SHC3: variants seen among roughly 807,000 people sequenced by gnomAD.
SHC3 encodes the protein SHC adaptor protein 3, also known as SHC-transforming protein 3.
A neutral mutation model predicts 60.4 loss-of-function variants in SHC3; 15 were observed. The ratio of observed to expected loss-of-function variants is 0.25; its 90% CI spans 0.17 to 0.38. The LOEUF (loss-of-function observed/expected upper bound fraction) is 0.38. Among genes scored for constraint, SHC3 ranks in the 10% least tolerant of loss-of-function variants. The probability of loss-of-function intolerance (pLI) is 1.00; values close to 1 mark genes in which losing one functional copy is unlikely to be tolerated. For missense variants in SHC3, 677 were observed against 786.1 expected, an observed-to-expected ratio of 0.86 and a Z score of 1.66; for synonymous variants, 294 against 325.9, an observed-to-expected ratio of 0.90 and a Z score of 1.05.
At chr9:89,169,080 A>G (rs1826832179) in intron 1 of SHC3, among the ~76,000 whole-genome samples, 1 of 152,208 alleles carries the variant, frequency 6.6e-6, no homozygotes, top group Non-Finnish European at 1.5e-5. Context: ...CCAATTCCTT[A>G]TAATAAATCT....
intron 1 of SHC3, among the ~76,000 whole-genome samples, chr9:89,122,044 T>A (rs1316663526): frequency 6.6e-6 from 1 of 152,238 alleles, no homozygotes; most frequent in African/African-American, 2.4e-5. Flanking sequence ...ATGGTGATGC[T>A]CTTGAAATTC....
intron 6 of SHC3, among the ~76,000 whole-genome samples, chr9:89,059,357 G>A (rs1386607858): frequency 2.4e-5 from 3 of 124,098 alleles, no homozygotes; most frequent in African/African-American, 1.1e-4. Context: ...GGTGGAGGAT[G>A]TAGTGGAGGA....
intron 6 of SHC3, among the ~76,000 whole-genome samples, chr9:89,053,347 A>G (rs949489694): frequency 6.6e-6 from 1 of 152,180 alleles, no homozygotes; most frequent in Admixed American, 6.5e-5. Flanking sequence ...GATTAGGGAG[A>G]CACTGAACTG....
chr9:89,070,923 G>A (rs1487722986), intron 5 of SHC3, among the ~76,000 whole-genome samples: 1 of 152,128 alleles, frequency 6.6e-6, no homozygotes, highest in Admixed American at 6.5e-5. Context: ...GGGGCCAGGG[G>A]GACTATTTCA....
intron 6 of SHC3, 140 bp from the exon 7 acceptor site, chr9:89,052,303 A>C (rs1030814862): frequency 1.0e-6 from 1 of 1,000,544 alleles, no homozygotes; most frequent in Non-Finnish European, 1.4e-6. Flanking sequence ...ATCCAACCAC[A>C]GCTTTATCTC....
Position 89,178,338 on chromosome 9 carries a change from C to G in SHC3, c.123G>C (p.Pro41=). 1 of 1,595,490 alleles carries G rather than the reference C, an allele frequency of 6.3e-7. No individual in the cohort carries two copies. The highest frequency in any genetic ancestry group is 8.5e-7 in the Non-Finnish European group (1 of 1,172,894). The change falls in exon 1 of 12, where the codon CCG becomes CCC. Residue 41 remains proline (P), a synonymous_variant. Coordinates refer to ENST00000375835, the MANE Select transcript of SHC3 (RefSeq NM_016848.6). The surrounding 1 kb of genome is among the most constrained non-coding windows in gnomAD (Gnocchi z 6.9). ...GGKVSAARAT[P]AAAPYLVSGE... is the part of the protein sequence containing the mutation. ...CGGACACCAAGTAGGGAGCCGCCGC[C>G]GGGGTCGCGCGCGCCGCCGAAACCT...
intron 9 of SHC3, 33 bp from the exon 10 acceptor site, chr9:89,042,217 C>T (rs776649956): frequency 2.1e-5 from 31 of 1,488,942 alleles, no homozygotes; most frequent in African/African-American, 2.9e-5. Flanking sequence ...TTTTCTTTTA[C>T]GATGGTGACA....
At chr9:89,153,762 A>G (rs1383074592) in intron 1 of SHC3, among the ~76,000 whole-genome samples, 2 of 152,236 alleles carry the variant, frequency 1.3e-5, no homozygotes, top group Non-Finnish European at 2.9e-5. Flanking sequence ...GTGATATCAC[A>G]GTACTCTCTC....
chr9:89,047,059 C>T, intron 7 of SHC3, 65 bp from the exon 8 acceptor site: 2 of 1,461,104 alleles, frequency 1.4e-6, no homozygotes, highest in Non-Finnish European at 1.8e-6. Flanking sequence ...ATCAACAAAT[C>T]TAATGTTAGC....
intron 1 of SHC3, among the ~76,000 whole-genome samples, chr9:89,133,259 C>T (rs951942832): frequency 6.6e-6 from 1 of 152,138 alleles, no homozygotes; most frequent in Non-Finnish European, 1.5e-5. Flanking sequence ...AGTCAGGAAA[C>T]AACAGGTGCT....
At chr9:89,088,492 C>T (rs1587719814) in intron 2 of SHC3, 1 of 152,166 alleles carries the variant, frequency 6.6e-6, no homozygotes, top group Admixed American at 6.5e-5. Flanking sequence ...GGAAAAAAAC[C>T]TCTTCAAATG....
chr9:89,058,744 G>A (rs1186187624), intron 6 of SHC3, among the ~76,000 whole-genome samples: 8 of 137,698 alleles, frequency 5.8e-5, no homozygotes, highest in African/African-American at 1.1e-4. Flanking sequence ...GGTGAAGGGC[G>A]GTGGTGGAGG....
At chr9:89,071,178 A>G in intron 5 of SHC3, 21 bp downstream of exon 5, 1 of 1,613,122 alleles carries the variant, frequency 6.2e-7, no homozygotes. Context: ...AGAGCAAGAG[A>G]CCAACCCCAA....
In SHC3 at chr9:89,166,933, C is replaced by T. The variant is rs531823700; in HGVS notation, c.474+11054G>A. On this transcript the variant is annotated intron_variant, in intron 1 of 11. Transcript: ENST00000375835. Reference sequence around the variant, plus strand: ...GTTGTCTGCACCTTGAGGTTGAATCCACTGTACTGTGTGGTGTAGACTCTA... The same window carrying T: ...GTTGTCTGCACCTTGAGGTTGAATCTACTGTACTGTGTGGTGTAGACTCTA... Among the ~76,000 whole-genome samples the T allele has an allele frequency of 7.2e-5, 11 of 152,298 alleles. No homozygotes were observed. In the South Asian group the frequency reaches 2.3e-3, roughly 32 times the overall value.
In SHC3 at chr9:89,006,354, T is replaced by G. The variant is rs540855541; in HGVS notation, c.*7093A>C. 6.6e-6 allele frequency: 1 copy of G among 152,210 alleles called. No individual in the cohort carries two copies. Among genetic ancestry groups the G allele is most frequent in the African/African-American group, 2.4e-5 (1 of 41,454 alleles). 9.4% of individuals were successfully genotyped at this position (152,210 alleles called of 1,614,324 possible). A position where few individuals can be genotyped will look rare whatever the true frequency, so the allele number is the denominator to read the frequency against. ...TCTTCACCTGCTGTATTCTCAAATC[T>G]CCAAAACACCAGATAACTTAGGTTT... On this transcript the variant is annotated 3_prime_UTR_variant, in exon 12 of 12. Transcript: ENST00000375835.
intron 2 of SHC3, among the ~76,000 whole-genome samples, chr9:89,096,778 G>A (rs1358774899): frequency 1.3e-5 from 2 of 152,244 alleles, no homozygotes; most frequent in African/African-American, 4.8e-5. Context: ...CATCTAGAGA[G>A]TGAAGGTCAG....
intron 1 of SHC3, among the ~76,000 whole-genome samples, chr9:89,165,114 GAGAC>G (rs1439766056): frequency 6.6e-6 from 1 of 152,126 alleles, no homozygotes; most frequent in African/African-American, 2.4e-5. Context: ...GCCAAAAAAA[GAGAC>G]AGAATTATAG....
At chr9:89,077,698 A>G in intron 3 of SHC3, 142 bp downstream of exon 3, 1 of 936,052 alleles carries the variant, frequency 1.1e-6, no homozygotes, top group Non-Finnish European at 1.7e-6. Context: ...AAAGCAATCT[A>G]AGCCCTTTCT....
At chr9:89,021,853 A>T (rs1826207196) in intron 11 of SHC3, among the ~76,000 whole-genome samples, 1 of 152,118 alleles carries the variant, frequency 6.6e-6, no homozygotes, top group South Asian at 2.1e-4. Flanking sequence ...AGGATATATG[A>T]CTTGGGAATA....
Sources: gnomAD v4.1 joint callset for allele counts (sites outside exome capture counted in the v4.1 genomes callset) on GRCh38, gnomAD v4.1.1 for gene constraint, Gnocchi (gnomAD v3.1) non-coding constraint, MANE v1.5 for transcripts, NCBI Gene and HGNC (gene_info 2026-07-23, HGNC 2026-07-21) for gene names.